The following RBFOX1 variants were observed in gnomAD, a reference collection of about 807,000 sequenced individuals.
RBFOX1 encodes the protein RNA binding fox-1 homolog 1.
Under a neutral mutation model 57.7 loss-of-function variants are expected in RBFOX1, and 8 were observed. The observed-to-expected ratio is 0.14, with a 90% CI of 0.08 to 0.25. The LOEUF (loss-of-function observed/expected upper bound fraction) is 0.25. Among genes scored for constraint, RBFOX1 ranks in the 10% least tolerant of loss-of-function variants. The probability of loss-of-function intolerance (pLI) is 1.00; values close to 1 mark genes in which losing one functional copy is unlikely to be tolerated. For missense variants in RBFOX1, 611 were observed against 548.5 expected (o/e 1.11, Z -1.14); for synonymous variants, 326 against 222.4 (o/e 1.47, Z -4.15).
chr16:6,170,215 G>C (rs10500332), intron 1 of RBFOX1, among the ~76,000 whole-genome samples: 63,019 of 151,986 alleles, frequency 0.41, 13,169 homozygotes, highest in Admixed American at 0.51. Context: ...AAGTCCATGA[G>C]GTAATGAGAG....
chr16:6,751,919 G>A (rs570593571), intron 3 of RBFOX1, among the ~76,000 whole-genome samples: 5 of 152,260 alleles, frequency 3.3e-5, no homozygotes, highest in South Asian at 4.1e-4. Context: ...GGGTGCCAGC[G>A]TGAGTCCAGG....
intron 4 of RBFOX1, among the ~76,000 whole-genome samples, chr16:5,904,925 C>T (rs1183420894): frequency 7.6e-5 from 11 of 143,828 alleles, no homozygotes; most frequent in African/African-American, 2.3e-4. Flanking sequence ...TGCAGTGAGC[C>T]GAGATCGCAC....
chr16:5,340,748 C>G (rs958732851), intron 1 of RBFOX1, among the ~76,000 whole-genome samples: 2 of 152,174 alleles, frequency 1.3e-5, no homozygotes, highest in Non-Finnish European at 2.9e-5. Context: ...ATGCCAAGCA[C>G]TGTCCAAAAT....
intron 1 of RBFOX1, among the ~76,000 whole-genome samples, chr16:6,193,944 C>A (rs1192905563): frequency 6.6e-6 from 1 of 152,184 alleles, no homozygotes; most frequent in African/African-American, 2.4e-5. Context: ...GTTCTGACCT[C>A]CGCCTCTTGG....
intron 2 of RBFOX1, among the ~76,000 whole-genome samples, chr16:6,367,854 C>A (rs1173809083): frequency 2.0e-5 from 3 of 152,150 alleles, no homozygotes; most frequent in African/African-American, 7.2e-5. Flanking sequence ...TATCTTCCCC[C>A]AGTTAATGGG....
At chr16:5,419,856 A>G (rs1488926779) in intron 1 of RBFOX1, among the ~76,000 whole-genome samples, 1 of 152,098 alleles carries the variant, frequency 6.6e-6, no homozygotes, top group Non-Finnish European at 1.5e-5. Context: ...GGTGGCCCGT[A>G]GGAGCAGAGA....
At chr16:5,871,733 A>C (rs1362856567) in intron 4 of RBFOX1, among the ~76,000 whole-genome samples, 2 of 152,202 alleles carry the variant, frequency 1.3e-5, no homozygotes, top group East Asian at 3.9e-4. Context: ...TTGAGGAAAA[A>C]AAAAATTCAT....
At chr16:5,521,626 C>A (rs566611678) in intron 2 of RBFOX1, among the ~76,000 whole-genome samples, 503 of 151,650 alleles carry the variant, frequency 3.3e-3, no homozygotes, top group Non-Finnish European at 5.4e-3. Flanking sequence ...GCAATTGGAG[C>A]TCTGCCATCA....
At chr16:7,010,451 G>A (rs371195439) in intron 3 of RBFOX1, among the ~76,000 whole-genome samples, 3 of 152,150 alleles carry the variant, frequency 2.0e-5, no homozygotes, top group East Asian at 1.9e-4. Flanking sequence ...GACCGAGTCC[G>A]TGAGCATCCG....
At chr16:6,860,486 C>T (rs571951196) in intron 3 of RBFOX1, among the ~76,000 whole-genome samples, 7 of 152,292 alleles carry the variant, frequency 4.6e-5, no homozygotes, top group African/African-American at 1.7e-4. Context: ...TATTGATGCA[C>T]CTGCTTTGGC....
At chr16:5,403,368 C>CA (rs1188182295) in intron 1 of RBFOX1, among the ~76,000 whole-genome samples, 5 of 116,254 alleles carry the variant, frequency 4.3e-5, no homozygotes, top group African/African-American at 6.1e-5. Context: ...AAAAAAAAAA[C>CA]AAAAAACAAA....
chr16:5,450,394 G>A (rs571264458), intron 1 of RBFOX1, among the ~76,000 whole-genome samples: 1 of 152,284 alleles, frequency 6.6e-6, no homozygotes, highest in South Asian at 2.1e-4. Flanking sequence ...TCTTTGGCCT[G>A]GGCACATGCA....
chr16:5,628,148 T>C (rs1406660396), intron 3 of RBFOX1, among the ~76,000 whole-genome samples: 1 of 152,142 alleles, frequency 6.6e-6, no homozygotes, highest in African/African-American at 2.4e-5. Flanking sequence ...GGCTCACAGT[T>C]TAGTGTCTGG....
intron 10 of RBFOX1, among the ~76,000 whole-genome samples, chr16:7,616,106 GGAGTCCCCAA>G (rs2058399250): frequency 1.3e-5 from 2 of 152,166 alleles, no homozygotes; most frequent in Admixed American, 1.3e-4. Context: ...AGCTGTGTTG[GGAGTCCCCAA>G]GACCACTCTC....
At chr16:6,992,397 T>G (rs2091631330) in intron 3 of RBFOX1, among the ~76,000 whole-genome samples, 1 of 152,120 alleles carries the variant, frequency 6.6e-6, no homozygotes, top group African/African-American at 2.4e-5. Flanking sequence ...TTTGTATTTT[T>G]AGTAGAGACG....
chr16:6,512,035 C>T (rs1475209983), intron 2 of RBFOX1, among the ~76,000 whole-genome samples: 1 of 151,868 alleles, frequency 6.6e-6, no homozygotes, highest in African/African-American at 2.4e-5. Flanking sequence ...CTCTGAGAGG[C>T]CAAGGCAGGA....
At chr16:7,073,744 T>C (rs1376739447) in intron 4 of RBFOX1, among the ~76,000 whole-genome samples, 1 of 152,164 alleles carries the variant, frequency 6.6e-6, no homozygotes, top group East Asian at 1.9e-4. Flanking sequence ...ATGCCCTTGG[T>C]ACCAGTTACT....
At chr16:7,492,526 T>G (rs1028906013) in intron 4 of RBFOX1, among the ~76,000 whole-genome samples, 3 of 152,064 alleles carry the variant, frequency 2.0e-5, no homozygotes, top group African/African-American at 7.2e-5. Context: ...TGTAGCTACT[T>G]AAAACGACAC....
intron 2 of RBFOX1, among the ~76,000 whole-genome samples, chr16:6,432,865 C>G (rs188915239): frequency 1.2e-3 from 188 of 152,212 alleles, no homozygotes; most frequent in African/African-American, 2.9e-3. Flanking sequence ...GTAATCCCAG[C>G]TACTGAGGAG....
Sources: allele counts gnomAD v4.1 joint callset (sites outside exome capture counted in the v4.1 genomes callset), GRCh38; gene constraint gnomAD v4.1.1; transcripts MANE v1.5; gene names NCBI Gene and HGNC (gene_info 2026-07-23, HGNC 2026-07-21).